LRRTM3: variants seen among roughly 807,000 people sequenced by gnomAD.
LRRTM3 encodes the protein leucine-rich repeat transmembrane neuronal protein 3.
In LRRTM3, 24 loss-of-function variants were observed where a neutral mutation model predicts 44.7. That is an observed-to-expected ratio of 0.54 (90% CI 0.39 to 0.76). The LOEUF (loss-of-function observed/expected upper bound fraction) is 0.76, where lower values mean the gene tolerates loss of function less well. Ranked by LOEUF, LRRTM3 falls within the 30% of genes least tolerant of loss-of-function variation. The pLI, the probability that LRRTM3 is intolerant of heterozygous loss-of-function variation, is 0.00. For missense variants in LRRTM3, 587 were observed against 702.2 expected (o/e 0.84, Z 1.85); for synonymous variants, 277 against 278.7 (o/e 0.99, Z 0.06).
chr10:66,962,464 C>T (rs987829715), intron 2 of LRRTM3, among the ~76,000 whole-genome samples: 19 of 151,414 alleles, frequency 1.3e-4, no homozygotes, highest in Middle Eastern at 3.4e-3. Flanking sequence ...GGCTGGAGTG[C>T]AGTGGTGTGA....
rs74141755 is a variant in LRRTM3, at chr10:66,998,658, A to G, written c.1536+70206A>G. Among the ~76,000 whole-genome samples, 654 of 152,318 alleles carry G rather than the reference A, an allele frequency of 4.3e-3. 4 individuals are homozygous for G. Among genetic ancestry groups the G allele is most frequent in the Middle Eastern group, 0.02 (6 of 294 alleles). On this transcript the variant is annotated intron_variant, in intron 2 of 2. Transcript: ENST00000361320. ...ACAATAAAGAAGGAATCAGCAAAAA[A>G]TATAGTAATTCCAAACTCATATGTG...
intron 2 of LRRTM3, among the ~76,000 whole-genome samples, chr10:67,025,809 G>A (rs1853334662): frequency 6.6e-6 from 1 of 151,724 alleles, no homozygotes; most frequent in African/African-American, 2.4e-5. Context: ...ACATGCACAC[G>A]TATGATTATT....
chr10:66,981,803 G>A (rs759229229), intron 2 of LRRTM3, among the ~76,000 whole-genome samples: 7 of 152,160 alleles, frequency 4.6e-5, no homozygotes, highest in African/African-American at 1.7e-4. Context: ...TTCCTTCAAC[G>A]ACTTAAGAAG....
At chr10:67,028,845 T>G (rs578254075) in intron 2 of LRRTM3, among the ~76,000 whole-genome samples, 2 of 152,240 alleles carry the variant, frequency 1.3e-5, no homozygotes, top group African/African-American at 4.8e-5. Flanking sequence ...AATCCCTGAG[T>G]AGACTATTAG....
intron 2 of LRRTM3, among the ~76,000 whole-genome samples, chr10:66,970,934 T>C (rs145744690): frequency 7.8e-4 from 119 of 152,244 alleles, no homozygotes; most frequent in African/African-American, 2.6e-3. Flanking sequence ...CCAAGTGAAA[T>C]AGAAAGAAGT....
At chr10:66,996,649 CAAAAAAAA>C (rs57025097) in intron 2 of LRRTM3, among the ~76,000 whole-genome samples, 1 of 67,644 alleles carries the variant, frequency 1.5e-5, no homozygotes, top group Non-Finnish European at 2.5e-5. Context: ...TCCGTCTCTA[CAAAAAAAA>C]AAAAAAAAAA....
chr10:66,965,032 A>G (rs1435998256), intron 2 of LRRTM3, among the ~76,000 whole-genome samples: 1 of 152,194 alleles, frequency 6.6e-6, no homozygotes, highest in African/African-American at 2.4e-5. Context: ...AATTAAAGCA[A>G]ACAAGCAAAT....
intron 2 of LRRTM3, among the ~76,000 whole-genome samples, chr10:67,057,656 A>T (rs1026259720): frequency 1.3e-5 from 2 of 152,122 alleles, no homozygotes; most frequent in Admixed American, 6.6e-5. Context: ...TACTTCAAGA[A>T]GCACCCTCAG....
intron 2 of LRRTM3, among the ~76,000 whole-genome samples, chr10:66,951,452 G>A (rs1300189402): frequency 6.6e-6 from 1 of 152,110 alleles, no homozygotes; most frequent in East Asian, 1.9e-4. Flanking sequence ...CTATGTTTGA[G>A]GCATTGCAAT....
At position 66,935,926 on chromosome 10, in the gene LRRTM3, C is replaced by T. The variant is rs759498993; in HGVS notation, c.1536+7474C>T. On this transcript the variant is annotated intron_variant, in intron 2 of 2. Coordinates refer to ENST00000361320, the MANE Select transcript of LRRTM3 (RefSeq NM_178011.5). ...CCCACCCACAAAAGGCTTCTCAAAG[C>T]CAAATCATGCATCTCCAGATCCCTT... Among the ~76,000 whole-genome samples, 35 of 151,998 alleles carry T rather than the reference C, an allele frequency of 2.3e-4. 1 individual carries two copies. Among genetic ancestry groups the T allele is most frequent in the Non-Finnish European group, 2.9e-5 (2 of 67,984 alleles).
intron 2 of LRRTM3, among the ~76,000 whole-genome samples, chr10:66,950,999 T>C (rs1848509469): frequency 6.6e-6 from 1 of 152,154 alleles, no homozygotes; most frequent in Non-Finnish European, 1.5e-5. Flanking sequence ...GAATAGATGG[T>C]ATGCTTATTT....
chr10:66,926,303 T>G lies in LRRTM3; in HGVS notation c.-281T>G. The G allele has an allele frequency of 1.6e-5, 7 of 439,118 alleles. No individual in the cohort carries two copies. The highest frequency in any genetic ancestry group is 2.1e-5 in the African/African-American group (1 of 48,114). 27.2% of individuals were successfully genotyped at this position (439,118 alleles called of 1,614,324 possible). On this transcript the variant is annotated 5_prime_UTR_variant, in exon 1 of 3. Transcript: ENST00000361320. Reference sequence around the variant, plus strand: ...CCCCTCCCCACCCCCCAAAAAACTGTAAAGATGCAAAAACGTAATATCCAT... The same window carrying G: ...CCCCTCCCCACCCCCCAAAAAACTGGAAAGATGCAAAAACGTAATATCCAT...
chr10:67,050,029 C>G (rs1183247347), intron 2 of LRRTM3, among the ~76,000 whole-genome samples: 2 of 152,130 alleles, frequency 1.3e-5, no homozygotes, highest in Non-Finnish European at 2.9e-5. Flanking sequence ...AGATGCTGAT[C>G]TCACCAATTC....
At chr10:67,036,811 T>G (rs999991855) in intron 2 of LRRTM3, among the ~76,000 whole-genome samples, 1 of 152,074 alleles carries the variant, frequency 6.6e-6, no homozygotes, top group Non-Finnish European at 1.5e-5. Flanking sequence ...AAAACACATA[T>G]AATTCTAACT....
chr10:67,090,876 C>A (rs1283581095), intron 2 of LRRTM3, among the ~76,000 whole-genome samples: 1 of 151,750 alleles, frequency 6.6e-6, no homozygotes, highest in Non-Finnish European at 1.5e-5. Flanking sequence ...TGCCAGGGAC[C>A]CAAGCTGCAG....
intron 2 of LRRTM3, among the ~76,000 whole-genome samples, chr10:67,095,738 A>T (rs1002197759): frequency 6.6e-6 from 1 of 151,806 alleles, no homozygotes; most frequent in African/African-American, 2.4e-5. Flanking sequence ...AATCCTACAG[A>T]TATATGACCC....
chr10:66,939,636 C>A (rs1244617483), intron 2 of LRRTM3, among the ~76,000 whole-genome samples: 1 of 152,136 alleles, frequency 6.6e-6, no homozygotes, highest in Non-Finnish European at 1.5e-5. Flanking sequence ...TAAGGTAGGG[C>A]AGACTTACAG....
intron 2 of LRRTM3, among the ~76,000 whole-genome samples, chr10:67,075,675 G>A (rs1039195144): frequency 1.2e-4 from 18 of 152,182 alleles, no homozygotes; most frequent in Admixed American, 3.9e-4. Context: ...TTGGCACCTC[G>A]TAAGTGCCCA....
intron 2 of LRRTM3, among the ~76,000 whole-genome samples, chr10:67,009,735 T>C (rs1852210585): frequency 6.6e-6 from 1 of 152,184 alleles, no homozygotes; most frequent in Non-Finnish European, 1.5e-5. Flanking sequence ...TTGCAGTCTC[T>C]TGTTTCTCTT....
Sources: gnomAD v4.1 joint callset for allele counts (sites outside exome capture counted in the v4.1 genomes callset) on GRCh38, gnomAD v4.1.1 for gene constraint, MANE v1.5 for transcripts, NCBI Gene and HGNC (gene_info 2026-07-23, HGNC 2026-07-21) for gene names.